Variants in MCF2L observed in about 807,000 individuals in gnomAD.
The protein encoded by MCF2L is guanine nucleotide exchange factor DBS.
MCF2L carries 97 observed loss-of-function variants against 153.4 expected under a neutral mutation model. That is an observed-to-expected ratio of 0.63 (90% CI 0.54 to 0.75). The LOEUF is 0.75. Ranked by LOEUF, MCF2L falls within the 30% of genes least tolerant of loss-of-function variation. The pLI, the probability that MCF2L is intolerant of heterozygous loss-of-function variation, is 0.00. For synonymous variants in MCF2L, 659 were observed against 632.2 expected, an observed-to-expected ratio of 1.04 and a Z score of -0.64; for missense variants, 1,347 against 1,495.2, an observed-to-expected ratio of 0.90 and a Z score of 1.64.
intron 2 of MCF2L, among the ~76,000 whole-genome samples, chr13:113,021,101 T>C (rs1172331765): frequency 1.3e-5 from 2 of 152,186 alleles, no homozygotes; most frequent in African/African-American, 4.8e-5. Context: ...TATGTACATA[T>C]ACATACCTAC....
intron 1 of MCF2L, among the ~76,000 whole-genome samples, chr13:112,901,366 C>A (rs1162424192): frequency 6.6e-6 from 1 of 152,212 alleles, no homozygotes; most frequent in African/African-American, 2.4e-5. Context: ...GTTGGCCAGG[C>A]TGGTCTTGAA....
chr13:113,003,153 G>A (rs2083474963), intron 1 of MCF2L, among the ~76,000 whole-genome samples: 1 of 152,254 alleles, frequency 6.6e-6, no homozygotes, highest in Admixed American at 6.5e-5. Flanking sequence ...TCTAGCCTGG[G>A]TGAGGGCGTG....
intron 1 of MCF2L, among the ~76,000 whole-genome samples, 185 bp from the exon 2 acceptor site, chr13:113,014,578 C>T (rs1400451897): frequency 6.6e-6 from 1 of 152,204 alleles, no homozygotes; most frequent in Non-Finnish European, 1.5e-5. Context: ...ACTCAACACA[C>T]AGCTTTTATG....
In MCF2L at chr13:113,086,235, A is replaced by G. The variant is rs753645601; in HGVS notation, c.2359A>G (p.Ile787Val). ...AVNDSMHLIAITGYDGNLGDL... is the reference protein window; with the variant it reads ...AVNDSMHLIAVTGYDGNLGDL... ...GAACGACTCCATGCACCTCATCGCT[A>G]TCACCGGCTATGACGTAAGGCGCCC... is the stretch of plus-strand genomic sequence containing the variant. Residue 787 changes from isoleucine to valine, a missense_variant, in exon 21 of 30, where the codon ATC becomes GTC. Physicochemically the swap from Ile to Val is conservative, Grantham distance 29. Around this residue, in one of 3 missense-constraint regions of MCF2L, gnomAD observed 144 missense variants for 238.7 expected, o/e 0.60. Coordinates refer to ENST00000535094, the MANE Select transcript of MCF2L (RefSeq NM_001112732.3). 6 of 1,609,640 alleles carry G rather than the reference A, an allele frequency of 3.7e-6. No individual in the cohort carries two copies. Among genetic ancestry groups the G allele is most frequent in the African/African-American group, 1.3e-5 (1 of 74,618 alleles).
At chr13:113,021,651 C>A (rs2084890802) in intron 2 of MCF2L, among the ~76,000 whole-genome samples, 1 of 152,232 alleles carries the variant, frequency 6.6e-6, no homozygotes, top group African/African-American at 2.4e-5. Flanking sequence ...GTGCCATTGG[C>A]CCCGGGTCCT....
At chr13:112,931,853 C>T (rs924940726) in intron 2 of MCF2L, among the ~76,000 whole-genome samples, 19 of 152,288 alleles carry the variant, frequency 1.2e-4, no homozygotes, top group African/African-American at 4.6e-4. Context: ...ACCGAACACT[C>T]CCCATGACCA....
intron 5 of MCF2L, among the ~76,000 whole-genome samples, chr13:113,062,788 G>A (rs2141803250): frequency 6.6e-6 from 1 of 152,204 alleles, no homozygotes; most frequent in African/African-American, 2.4e-5. Flanking sequence ...CCAAACCCAT[G>A]GATGGAGTGA....
At chr13:112,933,354 A>C (rs911799083) in intron 2 of MCF2L, among the ~76,000 whole-genome samples, 3 of 152,170 alleles carry the variant, frequency 2.0e-5, no homozygotes, top group Admixed American at 2.0e-4. Context: ...AGGAATACTG[A>C]GGTGTGTTCT....
At chr13:113,016,776 G>A (rs547549553) in intron 2 of MCF2L, among the ~76,000 whole-genome samples, 40 of 152,272 alleles carry the variant, frequency 2.6e-4, no homozygotes, top group African/African-American at 9.4e-4. Context: ...GGCCCCTCAG[G>A]CCTTGCTCAG....
chr13:112,928,723 G>A (rs930506624), intron 2 of MCF2L, among the ~76,000 whole-genome samples: 7 of 152,178 alleles, frequency 4.6e-5, no homozygotes, highest in East Asian at 1.9e-4. Context: ...CATGTAAAAC[G>A]CATGTGGTCT....
At chr13:112,970,864 G>A (rs185073111) in intron 1 of MCF2L, among the ~76,000 whole-genome samples, 4 of 152,246 alleles carry the variant, frequency 2.6e-5, no homozygotes, top group South Asian at 2.1e-4. Context: ...CCGGGCGCTC[G>A]GTGTGGGCCA....
chr13:112,970,370 A>G (rs1424697955), intron 1 of MCF2L, among the ~76,000 whole-genome samples: 1 of 152,264 alleles, frequency 6.6e-6, no homozygotes, highest in Admixed American at 6.5e-5. Context: ...CCAGTGATTA[A>G]ATCAGCATAA....
chr13:113,061,984 G>T (rs370625409), intron 5 of MCF2L, among the ~76,000 whole-genome samples: 4 of 144,448 alleles, frequency 2.8e-5, no homozygotes, highest in African/African-American at 1.0e-4. Flanking sequence ...GGTGTCACCC[G>T]TGACCCTGGT....
chr13:112,998,067 G>A (rs2083212574), intron 1 of MCF2L, among the ~76,000 whole-genome samples: 1 of 152,238 alleles, frequency 6.6e-6, no homozygotes, highest in Non-Finnish European at 1.5e-5. Context: ...GGTCCACTGG[G>A]CACCTGCTGG....
rs774248409 is a variant in MCF2L, at chr13:113,076,074, T to C, written c.1417T>C (p.Leu473=). The change falls in exon 12 of 30, where the codon TTG becomes CTG. Residue 473 remains leucine (L), a synonymous_variant. Transcript: ENST00000535094. The part of the protein sequence containing the change: ...EAALQEIEKF[L]ETGAENKIQE... ...TGCCCTCCAGGAAATCGAGAAGTTT[T>C]TGGAGACCGGTGCGGAAAATAAGAT... 5 of 1,613,938 alleles carry C rather than the reference T, an allele frequency of 3.1e-6. No individual in the cohort carries two copies. The highest frequency in any genetic ancestry group is 2.2e-5 in the East Asian group (1 of 44,888).
chr13:113,016,533 G>T (rs2084526277), intron 2 of MCF2L, among the ~76,000 whole-genome samples: 1 of 152,118 alleles, frequency 6.6e-6, no homozygotes, highest in Non-Finnish European at 1.5e-5. Context: ...AGCGTCAATG[G>T]TCTTGGGAAC....
At chr13:113,090,893 C>T in intron 26 of MCF2L, 2 of 1,173,742 alleles carry the variant, frequency 1.7e-6, no homozygotes, top group Non-Finnish European at 2.1e-6. Flanking sequence ...CGAAAGGACG[C>T]CTCTGAGTGC....
At chr13:112,903,623 G>T (rs1263155457) in intron 2 of MCF2L, among the ~76,000 whole-genome samples, 2 of 152,206 alleles carry the variant, frequency 1.3e-5, no homozygotes, top group Admixed American at 1.3e-4. Context: ...CTGGGGGGCT[G>T]CGTTTCGGTA....
intron 3 of MCF2L, chr13:113,033,972 TC>T (rs57693403): frequency 0.62 from 103,438 of 166,622 alleles, 32,152 homozygotes; most frequent in South Asian, 0.64. Flanking sequence ...GGTGACCACC[TC>T]CCCCCGAGGT....
Sources: gnomAD v4.1 joint callset for allele counts (sites outside exome capture counted in the v4.1 genomes callset) on GRCh38, gnomAD v4.1.1 for gene constraint, gnomAD v4.1.1 regional missense constraint, MANE v1.5 for transcripts, NCBI Gene and HGNC (gene_info 2026-07-23, HGNC 2026-07-21) for gene names.